The following RTF1 variants were observed in gnomAD, a reference collection of about 807,000 sequenced individuals.
RTF1 encodes the protein RTF1 homolog, Paf1/RNA polymerase II complex component, also known as RNA polymerase-associated protein RTF1 homolog.
In RTF1, 10 loss-of-function variants were observed where a neutral mutation model predicts 95.7. That is an observed-to-expected ratio of 0.10 (90% CI 0.06 to 0.18). The LOEUF (loss-of-function observed/expected upper bound fraction) is 0.18. RTF1 is among the 10% of genes least tolerant of loss of function. The probability of loss-of-function intolerance (pLI) is 1.00; values close to 1 mark genes in which losing one functional copy is unlikely to be tolerated. For synonymous variants in RTF1, 305 were observed against 311.8 expected (o/e 0.98, Z 0.23); for missense variants, 458 against 875.6 (o/e 0.52, Z 6.02).
intron 12 of RTF1, 29 bp from the exon 13 acceptor site, chr15:41,477,136 A>T: frequency 6.2e-7 from 1 of 1,614,134 alleles, no homozygotes; most frequent in Non-Finnish European, 8.5e-7. Context: ...TGTAGCCAAG[A>T]ACGAACTCAC....
intron 1 of RTF1, among the ~76,000 whole-genome samples, chr15:41,434,839 G>C (rs2050693848): frequency 6.6e-6 from 1 of 151,978 alleles, no homozygotes; most frequent in Non-Finnish European, 1.5e-5. Flanking sequence ...ATGTTGGCCA[G>C]GATGGTCTCG....
At position 41,464,837 on chromosome 15, in the gene RTF1, A is replaced by T; in HGVS notation, c.729A>T (p.Gln243His). ...AAAAGAAAGAAAAGAAGAAAAAGCA[A>T]GAAGAGGAGCAAGAAAAGAAAAAAC... ...KKEKKEKKKK[Q>H]EEEQEKKKLT... Residue 243 changes from glutamine to histidine, a missense_variant, in exon 5 of 18, where the codon CAA (glutamine) becomes CAT (histidine). Gln to His is a conservative substitution (Grantham distance 24). This residue lies in a region of RTF1 where 39 missense variants were observed against 43.8 expected (regional missense o/e 0.89). Coordinates refer to ENST00000389629, the MANE Select transcript of RTF1 (RefSeq NM_015138.5). 6.4e-7 allele frequency: 1 copy of T among 1,550,914 alleles called. No homozygotes were observed. The highest frequency in any genetic ancestry group is 8.7e-7 in the Non-Finnish European group (1 of 1,149,810).
At chr15:41,477,038 C>A in intron 12 of RTF1, 127 bp from the exon 13 acceptor site, 1 of 1,169,396 alleles carries the variant, frequency 8.6e-7, no homozygotes, top group Non-Finnish European at 1.3e-6. Context: ...CTACAGTATT[C>A]TTCCACATCT....
chr15:41,445,368 T>C (rs2050755726), intron 2 of RTF1, among the ~76,000 whole-genome samples: 1 of 152,208 alleles, frequency 6.6e-6, no homozygotes, highest in Admixed American at 6.6e-5. Context: ...ACTAGTTAAT[T>C]GCTCAAATGT....
intron 3 of RTF1, among the ~76,000 whole-genome samples, chr15:41,456,739 G>A (rs1280696488): frequency 4.6e-5 from 7 of 151,894 alleles, no homozygotes; most frequent in Admixed American, 2.6e-4. Context: ...GCAGTGAGCC[G>A]AGATCGCGCT....
At chr15:41,461,608 G>A (rs2050849262) in intron 4 of RTF1, among the ~76,000 whole-genome samples, 1 of 151,776 alleles carries the variant, frequency 6.6e-6, no homozygotes. Context: ...TTCTGCCTCA[G>A]CCTCCCAAGT....
chr15:41,466,169 C>G lies in RTF1; in HGVS notation c.806C>G (p.Ser269Cys). The change falls in exon 6 of 18, where the codon TCC (serine) becomes TGC (cysteine). Residue 269 changes from serine (S) to cysteine (C), a missense_variant. By Grantham distance (112) the Ser-to-Cys change is moderately radical (BLOSUM62 -1). Transcript: ENST00000389629. ...ACATCCCACAACAAGGAACGGCGTT[C>G]CAAGCGGGATGAGAAACTAGACAAG... ...QVTSHNKERR[S>C]KRDEKLDKKS... 2 of 1,589,314 alleles carry G rather than the reference C, an allele frequency of 1.3e-6. No individual in the cohort carries two copies. Among genetic ancestry groups the G allele is most frequent in the Non-Finnish European group, 1.7e-6 (2 of 1,168,958 alleles).
intron 8 of RTF1, among the ~76,000 whole-genome samples, chr15:41,473,124 T>TTTTTG (rs1225710942): frequency 1.2e-4 from 18 of 152,068 alleles, no homozygotes; most frequent in South Asian, 4.2e-4. Context: ...TGGTGTTGGT[T>TTTTTG]TTTTGTTTTG....
At chr15:41,452,474 C>T (rs999797648) in intron 2 of RTF1, among the ~76,000 whole-genome samples, 3 of 151,928 alleles carry the variant, frequency 2.0e-5, no homozygotes, top group Non-Finnish European at 4.4e-5. Flanking sequence ...TGGCTCATGT[C>T]TGTAATCCCA....
At position 41,480,883 on chromosome 15, in the gene RTF1, C is replaced by A. The variant is rs11545203; in HGVS notation, c.*196C>A. The A allele has an allele frequency of 1.7e-6, 1 of 584,012 alleles. No individual in the cohort carries two copies. Among genetic ancestry groups the A allele is most frequent in the Non-Finnish European group, 3.1e-6 (1 of 326,382 alleles). The allele number at this position is 584,012 out of a possible 1,614,324, so 36.2% of individuals were successfully genotyped here. On this transcript the variant is annotated 3_prime_UTR_variant, in exon 18 of 18. Transcript: ENST00000389629. ...CTGCACACCATCTCCCACCAGCCTC[C>A]CCTCCCCCAGGGCCCCACCCAGTGT...
rs548357892 is a variant in RTF1, at chr15:41,463,138, A to G, written c.663-1633A>G. 6.0e-4 allele frequency among the ~76,000 whole-genome samples: 92 copies of G among 152,318 alleles called. 1 individual carries two copies. In the South Asian group the frequency reaches 0.015, roughly 25 times the overall value. On this transcript the variant is annotated intron_variant, in intron 4 of 17. Coordinates refer to ENST00000389629, the MANE Select transcript of RTF1 (RefSeq NM_015138.5). ...CTTAGTATGTTTTTGAGGTTTATCC[A>G]TTTAGCATGTATTAGTACTTCACTC...
rs1450447771 is a variant in RTF1 at position 41,482,183 on chromosome 15, G to A, written c.*1496G>A. On this transcript the variant is annotated 3_prime_UTR_variant, in exon 18 of 18. Coordinates refer to ENST00000389629, the MANE Select transcript of RTF1 (RefSeq NM_015138.5). ...TTGTGCAGCTAGGGCGAAGCCAGCA[G>A]AGGTGTGTGTATGTCTTTATGAAAT... is the stretch of plus-strand genomic sequence containing the variant. The A allele has an allele frequency of 2.6e-5, 4 of 152,654 alleles. No individual in the cohort carries two copies. Among genetic ancestry groups the A allele is most frequent in the Non-Finnish European group, 1.5e-5 (1 of 68,064 alleles). 9.5% of individuals were successfully genotyped at this position (152,654 alleles called of 1,614,324 possible).
intron 2 of RTF1, among the ~76,000 whole-genome samples, chr15:41,441,081 T>C (rs1027098347): frequency 4.0e-5 from 6 of 150,396 alleles, no homozygotes; most frequent in Admixed American, 4.0e-4. Flanking sequence ...ACTCCATTCT[T>C]CTGCCTCAAC....
At chr15:41,429,673 G>C (rs1160539889) in intron 1 of RTF1, among the ~76,000 whole-genome samples, 1 of 151,920 alleles carries the variant, frequency 6.6e-6, no homozygotes, top group Non-Finnish European at 1.5e-5. Flanking sequence ...TCAGTTCTTT[G>C]ACTAAGCCAA....
rs2050908971 is a variant in RTF1 at position 41,471,044 on chromosome 15, T to C, written c.1026-128T>C. 1.6e-5 allele frequency: 13 copies of C among 809,754 alleles called. No homozygotes were observed. The East Asian group carries it at 3.1e-4, about 19-fold the overall frequency. 50.2% of individuals were successfully genotyped at this position (809,754 alleles called of 1,614,324 possible). A position where few individuals can be genotyped will look rare whatever the true frequency, so the allele number is the denominator to read the frequency against. On this transcript the variant is annotated intron_variant, in intron 7 of 17. Coordinates refer to ENST00000389629, the MANE Select transcript of RTF1 (RefSeq NM_015138.5). Reference sequence around the variant, plus strand: ...TCCTATTACAAGTCTTTGCTGGTGCTTCATTTACTTCTCCTCCTAGGCCAG... The same window carrying C: ...TCCTATTACAAGTCTTTGCTGGTGCCTCATTTACTTCTCCTCCTAGGCCAG...
In RTF1 at chr15:41,473,921, C is replaced by T. The variant is rs558527177; in HGVS notation, c.1204-699C>T. On this transcript the variant is annotated intron_variant, in intron 8 of 17. Coordinates refer to ENST00000389629, the MANE Select transcript of RTF1 (RefSeq NM_015138.5). The stretch of plus-strand genomic sequence containing the variant: ...GCGTGGTGGCATGTGCCTGTAGTCC[C>T]GGCTACTTGGGCGGCTGAGGCAGGA... Among the ~76,000 whole-genome samples, 76 of 152,098 alleles carry T rather than the reference C, an allele frequency of 5.0e-4. 2 individuals are homozygous for T. The South Asian group carries it at 0.014, about 28-fold the overall frequency.
intron 6 of RTF1, among the ~76,000 whole-genome samples, chr15:41,467,319 G>A (rs937049998): frequency 1.3e-5 from 2 of 152,112 alleles, no homozygotes; most frequent in African/African-American, 4.8e-5. Flanking sequence ...TGCCTCTTAG[G>A]GCCTAGACTT....
intron 1 of RTF1, among the ~76,000 whole-genome samples, chr15:41,418,555 C>T (rs934988329): frequency 2.6e-5 from 4 of 152,022 alleles, no homozygotes; most frequent in Admixed American, 6.6e-5. Flanking sequence ...CGGTGGCTCA[C>T]GCCTGTAGTC....
intron 4 of RTF1, among the ~76,000 whole-genome samples, chr15:41,460,494 G>GCTGGAGTTA (rs1310230760): frequency 2.0e-5 from 3 of 152,136 alleles, no homozygotes; most frequent in Admixed American, 6.6e-5. Flanking sequence ...AATAAACTGT[G>GCTGGAGTTA]CTGGAGTTAC....
Sources: allele counts gnomAD v4.1 joint callset (sites outside exome capture counted in the v4.1 genomes callset), GRCh38; gene constraint gnomAD v4.1.1; regional missense constraint gnomAD v4.1.1; transcripts MANE v1.5; gene names NCBI Gene and HGNC (gene_info 2026-07-23, HGNC 2026-07-21).